Variants in GRIN2B observed in about 807,000 individuals in gnomAD.
GRIN2B encodes the protein glutamate ionotropic receptor NMDA type subunit 2B, also known as glutamate receptor ionotropic, NMDA 2B.
In GRIN2B, 5 loss-of-function variants were observed where a neutral mutation model predicts 114.5. The observed-to-expected ratio is 0.04, with a 90% CI of 0.02 to 0.09. The LOEUF is 0.09. GRIN2B is among the 10% of genes least tolerant of loss of function. GRIN2B has a pLI of 1.00. For synonymous variants in GRIN2B, 787 were observed against 745.1 expected, an observed-to-expected ratio of 1.06 and a Z score of -0.92; for missense variants, 1,108 against 1,943.5, an observed-to-expected ratio of 0.57 and a Z score of 8.08.
Position 13,786,152 on chromosome 12 carries a change from G to A in GRIN2B, c.412-32237C>T, listed in dbSNP as rs148345636. ...TTTGCCCACTTTTTCAGTAAAGAAC[G>A]CCTCGACTAAACTAAGCAGGTACAT... On this transcript the variant is annotated intron_variant, in intron 3 of 13. Transcript: ENST00000609686. Among the ~76,000 whole-genome samples, 26 of 152,180 alleles carry A rather than the reference G, an allele frequency of 1.7e-4. No homozygotes were observed. In the East Asian group the frequency reaches 4.3e-3, roughly 25 times the overall value.
At chr12:13,927,799 A>T (rs1866944348) in intron 2 of GRIN2B, among the ~76,000 whole-genome samples, 1 of 150,974 alleles carries the variant, frequency 6.6e-6, no homozygotes, top group Non-Finnish European at 1.5e-5. Context: ...TACAAAAAAA[A>T]TAAAAATTAA....
chr12:13,774,383 T>C lies in GRIN2B; in HGVS notation c.412-20468A>G, dbSNP rs1039013877. On this transcript the variant is annotated intron_variant, in intron 3 of 13. Coordinates refer to ENST00000609686, the MANE Select transcript of GRIN2B (RefSeq NM_000834.5). Reference sequence around the variant, plus strand: ...GATGGTGAACTGTGGCTCATTTTCCTAATACATGGAAACCAGTGTGACTTC... The same window carrying C: ...GATGGTGAACTGTGGCTCATTTTCCCAATACATGGAAACCAGTGTGACTTC... Among the ~76,000 whole-genome samples, 3 of 152,194 alleles carry C rather than the reference T, an allele frequency of 2.0e-5. No individual in the cohort carries two copies. The East Asian group carries it at 5.8e-4, about 29-fold the overall frequency.
At chr12:13,638,037 T>C (rs1393208287) in intron 5 of GRIN2B, among the ~76,000 whole-genome samples, 2 of 152,212 alleles carry the variant, frequency 1.3e-5, no homozygotes, top group Admixed American at 6.5e-5. Flanking sequence ...GGAAGGTTTC[T>C]ACTTTTCAGA....
intron 12 of GRIN2B, among the ~76,000 whole-genome samples, chr12:13,568,033 C>T (rs991132899): frequency 4.6e-5 from 7 of 152,018 alleles, no homozygotes; most frequent in African/African-American, 1.7e-4. Flanking sequence ...CCTAGGGCCC[C>T]TCAGATTTAC....
At chr12:13,733,375 G>C (rs1235906152) in intron 4 of GRIN2B, among the ~76,000 whole-genome samples, 2 of 151,278 alleles carry the variant, frequency 1.3e-5, no homozygotes, top group African/African-American at 4.9e-5. Context: ...GCTCTACCAA[G>C]TAGGCCTGAG....
At chr12:13,775,757 T>C (rs974362756) in intron 3 of GRIN2B, among the ~76,000 whole-genome samples, 1 of 152,212 alleles carries the variant, frequency 6.6e-6, no homozygotes, top group South Asian at 2.1e-4. Context: ...AGGTAAAATA[T>C]GATATGTCAT....
At chr12:13,829,427 G>A (rs757087100) in intron 3 of GRIN2B, among the ~76,000 whole-genome samples, 8 of 152,118 alleles carry the variant, frequency 5.3e-5, no homozygotes, top group Non-Finnish European at 1.0e-4. Context: ...TCAGAACATA[G>A]AGATAGGCTT....
chr12:13,954,811 G>GAAA (rs61525874), intron 2 of GRIN2B, among the ~76,000 whole-genome samples: 4,388 of 25,528 alleles, frequency 0.17, 1,099 homozygotes, highest in Middle Eastern at 0.4. Flanking sequence ...TCCGTCTCAG[G>GAAA]AAAAAAAAAA....
At chr12:13,832,967 G>A (rs375917146) in intron 3 of GRIN2B, among the ~76,000 whole-genome samples, 34 of 152,126 alleles carry the variant, frequency 2.2e-4, no homozygotes, top group Middle Eastern at 3.4e-3. Context: ...AAAAAAAATC[G>A]TCATTCTGAT....
At chr12:13,736,695 G>T (rs180839402) in intron 4 of GRIN2B, among the ~76,000 whole-genome samples, 200 of 152,160 alleles carry the variant, frequency 1.3e-3, no homozygotes, top group Middle Eastern at 3.4e-3. Flanking sequence ...TAAGATATTT[G>T]CAATCAAACC....
At position 13,915,908 on chromosome 12, in the gene GRIN2B, T is replaced by A. The variant is rs918642844; in HGVS notation, c.-18-49682A>T. Among the ~76,000 whole-genome samples, 13 of 151,960 alleles carry A rather than the reference T, an allele frequency of 8.6e-5. 1 individual carries two copies. Among genetic ancestry groups the A allele is most frequent in the Admixed American group, 8.5e-4 (13 of 15,226 alleles). On this transcript the variant is annotated intron_variant, in intron 2 of 13. Coordinates refer to ENST00000609686, the MANE Select transcript of GRIN2B (RefSeq NM_000834.5). ...AATGGCTATTTCCAGTGCCCTTCAA[T>A]CACTAGGCAACTAGATGATTTGTTT...
intron 4 of GRIN2B, among the ~76,000 whole-genome samples, chr12:13,722,668 C>A (rs997326128): frequency 1.3e-5 from 2 of 151,966 alleles, no homozygotes; most frequent in Non-Finnish European, 2.9e-5. Flanking sequence ...AGAGAGAGTG[C>A]GAAGTTATTT....
intron 3 of GRIN2B, among the ~76,000 whole-genome samples, chr12:13,837,091 C>CT (rs1473565097): frequency 6.6e-6 from 1 of 152,192 alleles, no homozygotes; most frequent in Non-Finnish European, 1.5e-5. Flanking sequence ...GCTGTGCTCT[C>CT]TCTGAAACTT....
At chr12:13,774,076 A>G (rs887760275) in intron 3 of GRIN2B, among the ~76,000 whole-genome samples, 17 of 152,338 alleles carry the variant, frequency 1.1e-4, no homozygotes, top group African/African-American at 4.1e-4. Flanking sequence ...GTAAACTCCT[A>G]GTGCTCTTGA....
At chr12:13,863,957 C>T (rs1377648787) in intron 3 of GRIN2B, among the ~76,000 whole-genome samples, 1 of 152,112 alleles carries the variant, frequency 6.6e-6, no homozygotes, top group African/African-American at 2.4e-5. Context: ...CCTCAAATTG[C>T]CACTGTTAAA....
chr12:13,726,352 T>G (rs1244989244), intron 4 of GRIN2B, among the ~76,000 whole-genome samples: 2 of 151,748 alleles, frequency 1.3e-5, no homozygotes, highest in African/African-American at 4.8e-5. Context: ...CTGGCCAACA[T>G]GGTGAAACCT....
At chr12:13,849,549 C>T (rs115080172) in intron 3 of GRIN2B, among the ~76,000 whole-genome samples, 1,743 of 152,162 alleles carry the variant, frequency 0.011, 35 homozygotes, top group African/African-American at 0.039. Context: ...TCTCTATGAC[C>T]TCCATTCAGA....
intron 4 of GRIN2B, among the ~76,000 whole-genome samples, chr12:13,744,106 T>C (rs1826773260): frequency 6.6e-6 from 1 of 152,230 alleles, no homozygotes; most frequent in Admixed American, 6.5e-5. Flanking sequence ...ATAAATGTGC[T>C]AGGGATATTT....
rs139712716 is a variant in GRIN2B, at chr12:13,756,329, A to G, written c.412-2414T>C. Among the ~76,000 whole-genome samples the G allele has an allele frequency of 5.2e-3, 799 of 152,270 alleles. 19 individuals are homozygous for G. The highest frequency in any genetic ancestry group is 3.5e-3 in the East Asian group (18 of 5,180). On this transcript the variant is annotated intron_variant, in intron 3 of 13. Transcript: ENST00000609686. The stretch of plus-strand genomic sequence containing the variant: ...GCGCCCATCCAAATTTCTGTTCTTT[A>G]TAAGTTACTCAGTTTATAAGTAGCC...
Sources: gnomAD v4.1 joint callset for allele counts (sites outside exome capture counted in the v4.1 genomes callset) on GRCh38, gnomAD v4.1.1 for gene constraint, MANE v1.5 for transcripts, NCBI Gene and HGNC (gene_info 2026-07-23, HGNC 2026-07-21) for gene names.